FAM78B: variants seen among roughly 807,000 people sequenced by gnomAD.
FAM78B encodes the protein protein FAM78B.
FAM78B carries 10 observed loss-of-function variants against 20.0 expected under a neutral mutation model. The observed-to-expected ratio is 0.50, with a 90% CI of 0.31 to 0.85. The LOEUF is 0.85. Ranked by LOEUF, FAM78B falls within the 40% of genes least tolerant of loss-of-function variation. The probability of loss-of-function intolerance (pLI) is 0.05; values close to 1 mark genes in which losing one functional copy is unlikely to be tolerated. For missense variants in FAM78B, 283 were observed against 345.0 expected, an observed-to-expected ratio of 0.82 and a Z score of 1.42; for synonymous variants, 135 against 132.8, an observed-to-expected ratio of 1.02 and a Z score of -0.12.
chr1:166,164,863 C>T (rs549412354), intron 1 of FAM78B: 3 of 152,336 alleles, frequency 2.0e-5, no homozygotes, highest in South Asian at 2.1e-4. Flanking sequence ...TCCCTGTAGG[C>T]TGCAGACTGG....
intron 1 of FAM78B, among the ~76,000 whole-genome samples, chr1:166,094,406 C>G (rs1333399816): frequency 6.6e-6 from 1 of 152,182 alleles, no homozygotes; most frequent in African/African-American, 2.4e-5. Flanking sequence ...GCGGGGCTCT[C>G]CACTGTGAAG....
intron 1 of FAM78B, among the ~76,000 whole-genome samples, chr1:166,135,564 A>G (rs1475963115): frequency 6.6e-6 from 1 of 152,256 alleles, no homozygotes; most frequent in Non-Finnish European, 1.5e-5. Flanking sequence ...TACTCAGTCC[A>G]GTAGCATGAG....
intron 1 of FAM78B, among the ~76,000 whole-genome samples, chr1:166,109,890 G>GTATA (rs1200752162): frequency 0.041 from 948 of 23,050 alleles, 173 homozygotes; most frequent in Middle Eastern, 0.094. Context: ...ATGTATATAT[G>GTATA]TATATATATA....
intron 1 of FAM78B, among the ~76,000 whole-genome samples, chr1:166,071,239 T>G (rs184688246): frequency 3.9e-5 from 6 of 152,360 alleles, no homozygotes; most frequent in Admixed American, 3.9e-4. Flanking sequence ...ATTAATTTCT[T>G]AGGAAATCAT....
intron 1 of FAM78B, among the ~76,000 whole-genome samples, chr1:166,147,477 T>C (rs1372865912): frequency 6.6e-6 from 1 of 152,186 alleles, no homozygotes; most frequent in African/African-American, 2.4e-5. Flanking sequence ...CAAGTCTGCC[T>C]GGAGAAGGCT....
Position 166,109,882 on chromosome 1 carries a change from G to GTATATATATA in FAM78B, c.264-39120_264-39119insTATATATATA, listed in dbSNP as rs1274176169. Reference sequence around the variant, plus strand: ...TATATGTATGTGTATATATATATATGTATATATGTATATATATATATATAT... The same window carrying GTATATATATA: ...TATATGTATGTGTATATATATATATGTATATATATATATATATGTATATATATATATATAT... On this transcript the variant is annotated intron_variant, in intron 1 of 1. Transcript: ENST00000354422. Among the ~76,000 whole-genome samples, 4 of 12,250 alleles carry GTATATATATA rather than the reference G, an allele frequency of 3.3e-4. 1 individual carries two copies. Among genetic ancestry groups the GTATATATATA allele is most frequent in the African/African-American group, 6.2e-4 (4 of 6,472 alleles). 8.0% of individuals were successfully genotyped at this position (12,250 alleles called of 152,430 possible).
At chr1:166,142,658 A>G (rs913367409) in intron 1 of FAM78B, among the ~76,000 whole-genome samples, 4 of 152,242 alleles carry the variant, frequency 2.6e-5, no homozygotes, top group African/African-American at 9.6e-5. Context: ...CAACCAAATT[A>G]TAAGTTCCTC....
At chr1:166,087,383 G>A (rs1256842837) in intron 1 of FAM78B, 1 of 152,118 alleles carries the variant, frequency 6.6e-6, no homozygotes, top group African/African-American at 2.4e-5. Context: ...ATTTTGCAAA[G>A]GAGGAAACTG....
In FAM78B at chr1:166,136,459, C is replaced by T. The variant is rs557884406; in HGVS notation, c.263+29527G>A. ...ACGTAGGTAACAGAGCAGCCATCTC[C>T]AGATGCCTTATCTCTCTGCCCTCAC... On this transcript the variant is annotated intron_variant, in intron 1 of 1. Coordinates refer to ENST00000354422, the MANE Select transcript of FAM78B (RefSeq NM_001017961.5). Among the ~76,000 whole-genome samples, 45 of 152,266 alleles carry T rather than the reference C, an allele frequency of 3.0e-4. 1 individual carries two copies. Among genetic ancestry groups the T allele is most frequent in the Admixed American group, 2.6e-3 (40 of 15,264 alleles).
chr1:166,058,081 G>A (rs960005671), exon 3 of FAM78B: 3 of 152,146 alleles, frequency 2.0e-5, no homozygotes, highest in South Asian at 4.1e-4. Flanking sequence ...GAAGGGCTGC[G>A]CTTACAGACA....
intron 1 of FAM78B, among the ~76,000 whole-genome samples, chr1:166,076,334 T>C (rs1246981900): frequency 6.6e-6 from 1 of 152,188 alleles, no homozygotes; most frequent in East Asian, 1.9e-4. Flanking sequence ...TGCTGTTCAT[T>C]GAACATGCCA....
intron 1 of FAM78B, among the ~76,000 whole-genome samples, chr1:166,160,256 G>T (rs994243983): frequency 6.6e-6 from 1 of 152,178 alleles, no homozygotes; most frequent in Non-Finnish European, 1.5e-5. Context: ...AACAAAAAGG[G>T]GAGCTCTAGC....
chr1:166,106,214 G>C (rs1653779039), intron 1 of FAM78B, among the ~76,000 whole-genome samples: 2 of 118,742 alleles, frequency 1.7e-5, no homozygotes, highest in Admixed American at 2.0e-4. Flanking sequence ...TGTGGGGTGG[G>C]GGGAGGGGGG....
chr1:166,135,350 C>G (rs993561820), intron 1 of FAM78B, among the ~76,000 whole-genome samples: 4 of 152,182 alleles, frequency 2.6e-5, no homozygotes, highest in African/African-American at 9.6e-5. Context: ...CCTCTTTGGA[C>G]AAAGGGTACA....
At chr1:166,155,620 T>C (rs1655863503) in intron 1 of FAM78B, among the ~76,000 whole-genome samples, 6 of 152,158 alleles carry the variant, frequency 3.9e-5, no homozygotes, top group Admixed American at 3.3e-4. Context: ...GGGGGTTAGT[T>C]TGTGGCACAA....
At chr1:166,096,125 T>C (rs1051662102) in intron 1 of FAM78B, among the ~76,000 whole-genome samples, 2 of 152,216 alleles carry the variant, frequency 1.3e-5, no homozygotes, top group African/African-American at 4.8e-5. Flanking sequence ...TATCAACATA[T>C]TATCTGTCTC....
chr1:166,138,164 G>C (rs539147860), intron 1 of FAM78B, among the ~76,000 whole-genome samples: 1 of 152,200 alleles, frequency 6.6e-6, no homozygotes, highest in South Asian at 2.1e-4. Flanking sequence ...AGGGGACGGA[G>C]GCTGGGTTTC....
At chr1:166,086,887 G>A (rs916077924) in intron 1 of FAM78B, among the ~76,000 whole-genome samples, 10 of 152,266 alleles carry the variant, frequency 6.6e-5, no homozygotes, top group African/African-American at 2.4e-4. Flanking sequence ...GAGGGGCAGA[G>A]AGACTGCAAA....
chr1:166,111,609 G>A (rs998087858), intron 1 of FAM78B, among the ~76,000 whole-genome samples: 1 of 152,224 alleles, frequency 6.6e-6, no homozygotes, highest in Non-Finnish European at 1.5e-5. Context: ...GTCACCTGAA[G>A]TGGGGGAAAA....
Sources: allele counts gnomAD v4.1 joint callset (sites outside exome capture counted in the v4.1 genomes callset), GRCh38; gene constraint gnomAD v4.1.1; transcripts MANE v1.5; gene names NCBI Gene and HGNC (gene_info 2026-07-23, HGNC 2026-07-21).